Variants in SGPL1 observed in about 807,000 individuals in gnomAD.
The protein encoded by SGPL1 is SP-lyase 1.
A neutral mutation model predicts 68.9 loss-of-function variants in SGPL1; 37 were observed. The observed-to-expected ratio is 0.54, with a 90% CI of 0.41 to 0.71. SGPL1 has a LOEUF of 0.71. Ranked by LOEUF, SGPL1 falls within the 30% of genes least tolerant of loss-of-function variation. SGPL1 has a pLI of 0.00. For synonymous variants in SGPL1, 236 were observed against 248.5 expected (o/e 0.95, Z 0.47); for missense variants, 551 against 704.6 (o/e 0.78, Z 2.47).
chr10:70,832,965 T>C (rs1304705338), intron 2 of SGPL1, among the ~76,000 whole-genome samples: 3 of 152,222 alleles, frequency 2.0e-5, no homozygotes, highest in Non-Finnish European at 4.4e-5. Flanking sequence ...GTGCTCAGAA[T>C]TGTTACTTAA....
chr10:70,848,454 C>CTTTTTT lies in SGPL1; in HGVS notation c.194-2666_194-2661dup, dbSNP rs55860254. Reference sequence around the variant, plus strand: ...CAAACTAACGTGATTACCTCACGTACTTTTTTTTTTTTTTTTTTTTTTTTT... The same window carrying CTTTTTT: ...CAAACTAACGTGATTACCTCACGTACTTTTTTTTTTTTTTTTTTTTTTTTTTTTTTT... On this transcript the variant is annotated intron_variant, in intron 3 of 14. Coordinates refer to ENST00000373202, the MANE Select transcript of SGPL1 (RefSeq NM_003901.4). 2.8e-4 allele frequency among the ~76,000 whole-genome samples: 20 copies of CTTTTTT among 70,680 alleles called. 5 individuals are homozygous for CTTTTTT. The highest frequency in any genetic ancestry group is 3.0e-4 in the Non-Finnish European group (12 of 40,632). The allele number at this position is 70,680 out of a possible 152,430, so 46.4% of individuals were successfully genotyped here.
At chr10:70,868,147 C>T in intron 7 of SGPL1, among the ~76,000 whole-genome samples, 198 bp from the exon 8 acceptor site, 1 of 152,206 alleles carries the variant, frequency 6.6e-6, no homozygotes, top group East Asian at 1.9e-4. Flanking sequence ...TATTTAGTAG[C>T]TTTCATTCTT....
At chr10:70,837,614 C>T in intron 2 of SGPL1, among the ~76,000 whole-genome samples, 1 of 152,136 alleles carries the variant, frequency 6.6e-6, no homozygotes, top group Non-Finnish European at 1.5e-5. Flanking sequence ...AACTCTTAAA[C>T]AGCAGTAAGC....
intron 2 of SGPL1, among the ~76,000 whole-genome samples, chr10:70,838,948 T>C (rs1845673433): frequency 6.6e-6 from 1 of 152,204 alleles, no homozygotes; most frequent in Non-Finnish European, 1.5e-5. Context: ...TGAAACTCAG[T>C]GGTCTAACAA....
chr10:70,833,769 C>T (rs1227693276), intron 2 of SGPL1, among the ~76,000 whole-genome samples: 1 of 152,138 alleles, frequency 6.6e-6, no homozygotes, highest in Non-Finnish European at 1.5e-5. Flanking sequence ...AACATTTGAA[C>T]TGGGTAGAAC....
intron 4 of SGPL1, 64 bp from the exon 5 acceptor site, chr10:70,854,644 A>C: frequency 6.9e-7 from 1 of 1,446,256 alleles, no homozygotes; most frequent in Non-Finnish European, 9.4e-7. Context: ...TGACTGTCAT[A>C]ATAATTCTGC....
At chr10:70,846,687 A>G (rs987210706) in intron 3 of SGPL1, among the ~76,000 whole-genome samples, 1 of 152,248 alleles carries the variant, frequency 6.6e-6, no homozygotes, top group African/African-American at 2.4e-5. Context: ...TTTATGAAAT[A>G]AGGCTAAGCT....
At chr10:70,824,383 C>G (rs1845394141) in intron 2 of SGPL1, among the ~76,000 whole-genome samples, 1 of 152,158 alleles carries the variant, frequency 6.6e-6, no homozygotes, top group African/African-American at 2.4e-5. Context: ...AAAATCTTTG[C>G]TCCTGAAGTA....
At chr10:70,842,309 G>A (rs1468473644) in intron 2 of SGPL1, among the ~76,000 whole-genome samples, 1 of 152,112 alleles carries the variant, frequency 6.6e-6, no homozygotes, top group Admixed American at 6.6e-5. Context: ...ACGAACATGC[G>A]TTTAAAATGT....
At chr10:70,831,305 A>G (rs1267477991) in intron 2 of SGPL1, among the ~76,000 whole-genome samples, 1 of 152,130 alleles carries the variant, frequency 6.6e-6, no homozygotes, top group African/African-American at 2.4e-5. Context: ...AGCAGACATC[A>G]CTGGGTGTCG....
At chr10:70,864,051 T>G (rs1846132608) in intron 7 of SGPL1, among the ~76,000 whole-genome samples, 1 of 149,964 alleles carries the variant, frequency 6.7e-6, no homozygotes, top group Non-Finnish European at 1.5e-5. Context: ...TTCTTTATGT[T>G]AGGTTAGTGA....
chr10:70,854,100 A>G (rs1286361617), intron 4 of SGPL1, among the ~76,000 whole-genome samples: 4 of 152,188 alleles, frequency 2.6e-5, no homozygotes, highest in Admixed American at 1.3e-4. Context: ...GACTTTAGCA[A>G]TGCCAACCAA....
intron 2 of SGPL1, among the ~76,000 whole-genome samples, chr10:70,829,589 T>C (rs1475277754): frequency 1.3e-5 from 2 of 152,184 alleles, no homozygotes; most frequent in African/African-American, 4.8e-5. Flanking sequence ...TTTTTTCTCC[T>C]GAACGTTTTG....
At chr10:70,834,195 G>A (rs998768665) in intron 2 of SGPL1, among the ~76,000 whole-genome samples, 15 of 152,134 alleles carry the variant, frequency 9.9e-5, no homozygotes, top group South Asian at 2.1e-4. Flanking sequence ...CAGAATCACC[G>A]GAGGGAGGTT....
chr10:70,877,147 C>A, intron 14 of SGPL1, 48 bp from the exon 15 acceptor site: 1 of 1,602,676 alleles, frequency 6.2e-7, no homozygotes, highest in Non-Finnish European at 8.5e-7. Flanking sequence ...TTTATTCTTG[C>A]TTTTGGACCT....
intron 7 of SGPL1, among the ~76,000 whole-genome samples, chr10:70,862,431 A>T (rs540102316): frequency 6.6e-6 from 1 of 152,146 alleles, no homozygotes; most frequent in Non-Finnish European, 1.5e-5. Flanking sequence ...GGCTCTACCA[A>T]TCAGCAGGAT....
intron 2 of SGPL1, among the ~76,000 whole-genome samples, chr10:70,824,746 G>T (rs1315943888): frequency 6.6e-6 from 1 of 152,166 alleles, no homozygotes; most frequent in East Asian, 1.9e-4. Flanking sequence ...GTCCAATTAT[G>T]TAGTGCTTAA....
chr10:70,857,620 T>C lies in SGPL1; in HGVS notation c.416T>C (p.Phe139Ser), dbSNP rs1845986811. 1.2e-6 allele frequency: 2 copies of C among 1,613,100 alleles called. No individual in the cohort carries two copies. Among genetic ancestry groups the C allele is most frequent in the African/African-American group, 2.7e-5 (2 of 74,896 alleles). ...ACCTTACCTTTCTCTGCAGACGCCTTCTGGCAAGAGGGGAGAGCCTCTGGA... is the reference window on the plus strand; with the variant it reads ...ACCTTACCTTTCTCTGCAGACGCCTCCTGGCAAGAGGGGAGAGCCTCTGGA... ...KLKEYSSMDA[F>S]WQEGRASGTV... Residue 139 changes from phenylalanine to serine, a missense_variant, in exon 6 of 15, where the codon TTC becomes TCC. Coordinates refer to ENST00000373202, the MANE Select transcript of SGPL1 (RefSeq NM_003901.4).
At chr10:70,874,453 G>A (rs150449669) in intron 12 of SGPL1, among the ~76,000 whole-genome samples, 42 of 152,276 alleles carry the variant, frequency 2.8e-4, no homozygotes, top group African/African-American at 9.9e-4. Context: ...GGCCGGGCGC[G>A]GTGACTCATC....
Sources: gnomAD v4.1 joint callset for allele counts (sites outside exome capture counted in the v4.1 genomes callset) on GRCh38, gnomAD v4.1.1 for gene constraint, MANE v1.5 for transcripts, NCBI Gene and HGNC (gene_info 2026-07-23, HGNC 2026-07-21) for gene names.